The following ARID3A variants were observed in gnomAD, a reference collection of about 807,000 sequenced individuals.
ARID3A encodes AT-rich interaction domain 3A.
In ARID3A, 11 loss-of-function variants were observed where a neutral mutation model predicts 52.7. The observed-to-expected ratio is 0.21, with a 90% confidence interval of 0.13 to 0.35. The LOEUF (loss-of-function observed/expected upper bound fraction) is 0.35. ARID3A is among the 10% of genes least tolerant of loss of function. The probability of loss-of-function intolerance (pLI) is 1.00; values close to 1 mark genes in which losing one functional copy is unlikely to be tolerated. For synonymous variants in ARID3A, 404 were observed against 359.4 expected (o/e 1.12, Z -1.40); for missense variants, 721 against 838.5 (o/e 0.86, Z 1.73).
intron 1 of ARID3A, among the ~76,000 whole-genome samples, chr19:926,279 A>G (rs1362925780): frequency 2.7e-5 from 4 of 150,608 alleles, no homozygotes; most frequent in Non-Finnish European, 5.9e-5. Flanking sequence ...AAGCCAAAGA[A>G]GGGGGTCCCC....
At chr19:945,742 G>C (rs974515903) in intron 3 of ARID3A, among the ~76,000 whole-genome samples, 1 of 152,214 alleles carries the variant, frequency 6.6e-6, no homozygotes, top group Admixed American at 6.5e-5. Context: ...TCCCATTGTG[G>C]GGACGGCGTC....
intron 6 of ARID3A, 131 bp from the exon 7 acceptor site, chr19:966,439 CAA>C: frequency 1.3e-6 from 1 of 760,728 alleles, no homozygotes; most frequent in Non-Finnish European, 1.8e-6. Context: ...GCCTGGGCAA[CAA>C]GAGTGAAACT....
intron 4 of ARID3A, among the ~76,000 whole-genome samples, chr19:962,439 T>G (rs1453105352): frequency 6.6e-6 from 1 of 151,326 alleles, no homozygotes. Flanking sequence ...TCCCAGCTCC[T>G]TCTGTAAACA....
Position 960,285 on chromosome 19 carries a change from G to A in ARID3A, c.766+121G>A. On this transcript the variant is annotated intron_variant, in intron 4 of 8. Coordinates refer to ENST00000263620, the MANE Select transcript of ARID3A (RefSeq NM_005224.3). This position sits in a 1 kb window ranked among gnomAD's most constrained non-coding sequence, Gnocchi z 4.3. ...GCACCCCGTGGCTGGAGGCATCCAA[G>A]GCTCCTAAATCGGGAGGGACTTCAG... 1.2e-6 allele frequency: 1 copy of A among 854,324 alleles called. No homozygotes were observed. The highest frequency in any genetic ancestry group is 1.7e-6 in the Non-Finnish European group (1 of 571,794). 52.9% of individuals were successfully genotyped at this position (854,324 alleles called of 1,614,324 possible). A position where few individuals can be genotyped will look rare whatever the true frequency, so the allele number is the denominator to read the frequency against.
rs1053595975 is a variant in ARID3A, at chr19:941,023, C to T, written c.693+8281C>T. Among the ~76,000 whole-genome samples the T allele has an allele frequency of 6.6e-5, 10 of 152,198 alleles. No individual in the cohort carries two copies. Among genetic ancestry groups the T allele is most frequent in the Middle Eastern group, 3.4e-3 (1 of 292 alleles). Reference sequence around the variant, plus strand: ...GAGCCTTATCTGGCCCCTGCGCCACCGCCTGGCCGTCGGGTCACCGCCGCG... The same window carrying T: ...GAGCCTTATCTGGCCCCTGCGCCACTGCCTGGCCGTCGGGTCACCGCCGCG... On this transcript the variant is annotated intron_variant, in intron 3 of 8. Coordinates refer to ENST00000263620, the MANE Select transcript of ARID3A (RefSeq NM_005224.3). The surrounding 1 kb of genome is among the most constrained non-coding windows in gnomAD (Gnocchi z 6.9).
At chr19:933,046 G>T (rs922920338) in intron 3 of ARID3A, among the ~76,000 whole-genome samples, 1 of 152,174 alleles carries the variant, frequency 6.6e-6, no homozygotes, top group African/African-American at 2.4e-5. Flanking sequence ...GGGAGGGAGA[G>T]GCTGGCGCCG....
chr19:972,973 TG>T lies in ARID3A; in HGVS notation c.*912del. ...TGAACTCAGGTGCTATGGGCCGGGC[TG>T]GGGCAGAGGGTGCATGCTGGGGTCC... On this transcript the variant is annotated 3_prime_UTR_variant, in exon 9 of 9. Coordinates refer to ENST00000263620, the MANE Select transcript of ARID3A (RefSeq NM_005224.3). 4.8e-6 allele frequency: 1 copy of T among 209,002 alleles called. No individual in the cohort carries two copies. 12.9% of individuals were successfully genotyped at this position (209,002 alleles called of 1,614,324 possible).
At chr19:939,856 C>A (rs1371759225) in intron 3 of ARID3A, among the ~76,000 whole-genome samples, 1 of 151,980 alleles carries the variant, frequency 6.6e-6, no homozygotes, top group Non-Finnish European at 1.5e-5. Context: ...AGGTGGGGAG[C>A]TGGAATTGCC....
intron 4 of ARID3A, chr19:962,048 A>C (rs1224065903): frequency 6.6e-6 from 1 of 152,158 alleles, no homozygotes; most frequent in Non-Finnish European, 1.5e-5. Flanking sequence ...CCTACAGGAC[A>C]GGAGACAGCG....
chr19:937,909 C>T (rs1467713355), intron 3 of ARID3A, among the ~76,000 whole-genome samples: 1 of 151,860 alleles, frequency 6.6e-6, no homozygotes, highest in African/African-American at 2.4e-5. Flanking sequence ...GGGGTTTCAC[C>T]GTGTTAGCCA....
intron 8 of ARID3A, among the ~76,000 whole-genome samples, chr19:970,320 G>T (rs1445221666): frequency 6.8e-6 from 1 of 146,024 alleles, no homozygotes; most frequent in East Asian, 2.0e-4. Context: ...CTCAGAGGAA[G>T]AAAAAAAAAA....
At chr19:963,898 T>G (rs565796829) in intron 4 of ARID3A, among the ~76,000 whole-genome samples, 1 of 152,322 alleles carries the variant, frequency 6.6e-6, no homozygotes, top group South Asian at 2.1e-4. Context: ...CAGAGTTGTT[T>G]TGGCAGCTGC....
chr19:960,185 C>G lies in ARID3A; in HGVS notation c.766+21C>G. Reference sequence around the variant, plus strand: ...GCGAGGTGAGCCCTCTGCCCCCACCCCGCTGGAGGGAGGTCACAGAAACAG... The same window carrying G: ...GCGAGGTGAGCCCTCTGCCCCCACCGCGCTGGAGGGAGGTCACAGAAACAG... On this transcript the variant is annotated intron_variant, in intron 4 of 8. Coordinates refer to ENST00000263620, the MANE Select transcript of ARID3A (RefSeq NM_005224.3). The surrounding 1 kb of genome is among the most constrained non-coding windows in gnomAD (Gnocchi z 4.3). 1 of 1,599,786 alleles carries G rather than the reference C, an allele frequency of 6.3e-7. No homozygotes were observed. The highest frequency in any genetic ancestry group is 8.5e-7 in the Non-Finnish European group (1 of 1,170,548).
intron 8 of ARID3A, among the ~76,000 whole-genome samples, chr19:970,769 G>C (rs900931121): frequency 6.6e-6 from 1 of 151,910 alleles, no homozygotes; most frequent in Non-Finnish European, 1.5e-5. Flanking sequence ...CACCACACCC[G>C]GCGGTAAATG....
intron 4 of ARID3A, among the ~76,000 whole-genome samples, chr19:961,234 C>T (rs1025799482): frequency 6.6e-5 from 10 of 152,102 alleles, no homozygotes; most frequent in East Asian, 3.9e-4. Context: ...TCCCAGCCTC[C>T]GCCCACCCCT....
In ARID3A at chr19:964,100, G is replaced by C. The variant is rs2038097836; in HGVS notation, c.767-148G>C. ...CAGCCTGGATGATCCTGCACCCACA[G>C]AGGGCCCTGGGCAATGTCTGGAGAC... On this transcript the variant is annotated intron_variant, in intron 4 of 8. Transcript: ENST00000263620. This position sits in a 1 kb window ranked among gnomAD's most constrained non-coding sequence, Gnocchi z 5.7. 4 of 639,678 alleles carry C rather than the reference G, an allele frequency of 6.3e-6. No individual in the cohort carries two copies. The South Asian group carries it at 8.5e-5, about 14-fold the overall frequency. 39.6% of individuals were successfully genotyped at this position (639,678 alleles called of 1,614,324 possible).
At chr19:967,851 C>G (rs1282629880) in intron 7 of ARID3A, among the ~76,000 whole-genome samples, 1 of 151,474 alleles carries the variant, frequency 6.6e-6, no homozygotes, top group African/African-American at 2.4e-5. Context: ...TCAAGACCAG[C>G]CTGGCCAACA....
In ARID3A at chr19:929,619, C is replaced by T; in HGVS notation, c.91C>T (p.Pro31Ser). 6.6e-7 allele frequency: 1 copy of T among 1,524,762 alleles called. No individual in the cohort carries two copies. Among genetic ancestry groups the T allele is most frequent in the Non-Finnish European group, 8.8e-7 (1 of 1,142,484 alleles). The allele number at this position is 1,524,762 out of a possible 1,614,324, so 94.5% of individuals were successfully genotyped here. A position where few individuals can be genotyped will look rare whatever the true frequency, so the allele number is the denominator to read the frequency against. Residue 31 changes from proline to serine, a missense_variant, in exon 2 of 9, where the codon CCC becomes TCC. By Grantham distance (74) the Pro-to-Ser change is moderately conservative (BLOSUM62 -1). Transcript: ENST00000263620. The surrounding 1 kb of genome is among the most constrained non-coding windows in gnomAD (Gnocchi z 6.2). ...LEARQQLPPD[P>S]PAAPPGRARA... ...GGCCCGGCAGCAGCTGCCCCCCGATCCCCCTGCTGCACCCCCCGGCCGGGC... is the reference window on the plus strand; with the variant it reads ...GGCCCGGCAGCAGCTGCCCCCCGATTCCCCTGCTGCACCCCCCGGCCGGGC...
chr19:963,635 C>T (rs2038088097), intron 4 of ARID3A, among the ~76,000 whole-genome samples: 1 of 152,188 alleles, frequency 6.6e-6, no homozygotes, highest in Non-Finnish European at 1.5e-5. Flanking sequence ...GGCCAGCCCA[C>T]CTACCGCCCT....
Sources: gnomAD v4.1 joint callset for allele counts (sites outside exome capture counted in the v4.1 genomes callset) on GRCh38, gnomAD v4.1.1 for gene constraint, Gnocchi (gnomAD v3.1) non-coding constraint, MANE v1.5 for transcripts, NCBI Gene and HGNC (gene_info 2026-07-23, HGNC 2026-07-21) for gene names.